MAGI2: variants seen among roughly 807,000 people sequenced by gnomAD.
MAGI2 encodes the protein membrane associated guanylate kinase, WW and PDZ domain containing 2.
In MAGI2, 35 loss-of-function variants were observed where a neutral mutation model predicts 133.3. That is an observed-to-expected ratio of 0.26 (90% CI 0.20 to 0.35). The LOEUF (loss-of-function observed/expected upper bound fraction) is 0.35. Ranked by LOEUF, MAGI2 falls within the 10% of genes least tolerant of loss-of-function variation. The pLI is 1.00. For missense variants in MAGI2, 1,636 were observed against 1,863.4 expected, an observed-to-expected ratio of 0.88 and a Z score of 2.25; for synonymous variants, 729 against 710.6, an observed-to-expected ratio of 1.03 and a Z score of -0.41.
intron 7 of MAGI2, among the ~76,000 whole-genome samples, chr7:78,354,461 G>C (rs750017503): frequency 1.3e-5 from 2 of 152,152 alleles, no homozygotes; most frequent in Non-Finnish European, 1.5e-5. Flanking sequence ...CAACATCACT[G>C]ATGTCTGGGA....
At chr7:78,550,806 C>G (rs1004199980) in intron 3 of MAGI2, among the ~76,000 whole-genome samples, 2 of 151,658 alleles carry the variant, frequency 1.3e-5, no homozygotes, top group African/African-American at 4.8e-5. Flanking sequence ...GCTAATCATC[C>G]TTTCTTAATG....
chr7:78,185,475 G>T, intron 13 of MAGI2, 154 bp downstream of exon 13: 1 of 465,100 alleles, frequency 2.2e-6, no homozygotes. Flanking sequence ...ACCATGATGA[G>T]ACTTGCTGTC....
At chr7:79,357,832 T>C (rs527758504) in intron 1 of MAGI2, among the ~76,000 whole-genome samples, 2 of 152,238 alleles carry the variant, frequency 1.3e-5, no homozygotes, top group Non-Finnish European at 2.9e-5. Context: ...TTTTTAACTA[T>C]AAAAAAACCT....
At chr7:78,239,715 C>T (rs562091249) in intron 10 of MAGI2, among the ~76,000 whole-genome samples, 4 of 152,296 alleles carry the variant, frequency 2.6e-5, no homozygotes, top group East Asian at 1.9e-4. Context: ...AGTATCGCCT[C>T]GCTCCTGTTA....
intron 1 of MAGI2, among the ~76,000 whole-genome samples, chr7:79,027,603 A>T (rs12539532): frequency 0.59 from 89,303 of 151,862 alleles, 26,576 homozygotes; most frequent in East Asian, 0.63. Context: ...ATTTTTAGAT[A>T]TACTGCACGA....
intron 20 of MAGI2, among the ~76,000 whole-genome samples, chr7:78,103,891 G>A (rs938360320): frequency 2.6e-5 from 4 of 152,338 alleles, no homozygotes. Context: ...TAGTTGAAAA[G>A]CAAAGTGAAT....
At chr7:78,096,251 T>A (rs556505091) in intron 20 of MAGI2, among the ~76,000 whole-genome samples, 2 of 152,192 alleles carry the variant, frequency 1.3e-5, no homozygotes, top group African/African-American at 4.8e-5. Context: ...GAGTCCTTGG[T>A]TTGCACCTTA....
intron 2 of MAGI2, among the ~76,000 whole-genome samples, chr7:78,744,519 C>T (rs919707635): frequency 1.3e-5 from 2 of 151,928 alleles, no homozygotes; most frequent in Admixed American, 1.3e-4. Context: ...CCCTGCTAGT[C>T]CCACTAACAA....
At chr7:79,008,406 C>T (rs1807687889) in intron 1 of MAGI2, among the ~76,000 whole-genome samples, 2 of 152,022 alleles carry the variant, frequency 1.3e-5, no homozygotes, top group Admixed American at 1.3e-4. Flanking sequence ...TTTCAAAATC[C>T]ATCATTTCAG....
At chr7:79,435,204 G>A (rs1848053399) in intron 1 of MAGI2, among the ~76,000 whole-genome samples, 1 of 152,152 alleles carries the variant, frequency 6.6e-6, no homozygotes, top group Non-Finnish European at 1.5e-5. Flanking sequence ...GAACCTTAAT[G>A]TGTCTCAAAT....
chr7:79,408,807 G>C (rs1352785216), intron 1 of MAGI2, among the ~76,000 whole-genome samples: 1 of 152,056 alleles, frequency 6.6e-6, no homozygotes, highest in East Asian at 1.9e-4. Context: ...TCATATAAGG[G>C]TTTAAGATGA....
intron 1 of MAGI2, among the ~76,000 whole-genome samples, chr7:79,067,800 AT>A (rs1814521076): frequency 6.6e-6 from 1 of 152,128 alleles, no homozygotes; most frequent in Admixed American, 6.5e-5. Context: ...GTTTATTGAG[AT>A]TTTTTAGCAT....
intron 1 of MAGI2, among the ~76,000 whole-genome samples, chr7:79,443,098 C>T (rs748345916): frequency 6.6e-6 from 1 of 151,884 alleles, no homozygotes; most frequent in African/African-American, 2.4e-5. Context: ...ATGGTAAAAC[C>T]CCATCTCTAG....
At chr7:78,875,163 G>T (rs512484) in intron 2 of MAGI2, among the ~76,000 whole-genome samples, 82,325 of 151,802 alleles carry the variant, frequency 0.54, 24,130 homozygotes, top group Middle Eastern at 0.69. Flanking sequence ...GGGGACAGCT[G>T]GGGCAAAGAA....
rs531556294 is a variant in MAGI2, at chr7:78,965,248, ATTAAT to A, written c.418+41837_418+41841del. Among the ~76,000 whole-genome samples the A allele has an allele frequency of 1.6e-4, 24 of 151,928 alleles. No individual in the cohort carries two copies. In the East Asian group the frequency reaches 3.7e-3, roughly 23 times the overall value. The stretch of plus-strand genomic sequence containing the variant: ...TTATCAATGTATGATAAAGAATAAA[ATTAAT>A]TTAATAAAATTAAATGACATAGGGA... On this transcript the variant is annotated intron_variant, in intron 2 of 21. Coordinates refer to ENST00000354212, the MANE Select transcript of MAGI2 (RefSeq NM_012301.4).
At chr7:78,049,275 CATT>C (rs1470006937) in intron 21 of MAGI2, among the ~76,000 whole-genome samples, 1 of 152,202 alleles carries the variant, frequency 6.6e-6, no homozygotes, top group African/African-American at 2.4e-5. Context: ...TTACCAGTCT[CATT>C]AGTAAAGTGC....
chr7:79,285,602 C>G (rs2129558337), intron 1 of MAGI2, among the ~76,000 whole-genome samples: 1 of 152,204 alleles, frequency 6.6e-6, no homozygotes, highest in East Asian at 1.9e-4. Flanking sequence ...AATGCAGCAC[C>G]TCCCTAACTC....
At position 78,458,298 on chromosome 7, in the gene MAGI2, A is replaced by AAAAAAG. The variant is rs796543062; in HGVS notation, c.1045+31462_1045+31463insCTTTTT. The stretch of plus-strand genomic sequence containing the variant: ...AGACAGGGCAAAACTCGGTCTCAAA[A>AAAAAAG]AAAAAAAAAAAGAATAAAAGAGTAA... On this transcript the variant is annotated intron_variant, in intron 6 of 21. Transcript: ENST00000354212. 3.1e-4 allele frequency among the ~76,000 whole-genome samples: 25 copies of AAAAAAG among 80,768 alleles called. 1 individual carries two copies. Among genetic ancestry groups the AAAAAAG allele is most frequent in the Admixed American group, 5.9e-4 (4 of 6,754 alleles). 53.0% of individuals were successfully genotyped at this position (80,768 alleles called of 152,430 possible). A position where few individuals can be genotyped will look rare whatever the true frequency, so the allele number is the denominator to read the frequency against.
intron 2 of MAGI2, among the ~76,000 whole-genome samples, chr7:78,858,645 A>T (rs1481575613): frequency 6.6e-6 from 1 of 152,150 alleles, no homozygotes; most frequent in Non-Finnish European, 1.5e-5. Context: ...GTTCTTTTAC[A>T]TTTGCTGAGG....
Sources: gnomAD v4.1 joint callset for allele counts (sites outside exome capture counted in the v4.1 genomes callset) on GRCh38, gnomAD v4.1.1 for gene constraint, MANE v1.5 for transcripts, NCBI Gene and HGNC (gene_info 2026-07-23, HGNC 2026-07-21) for gene names.